Variants in NCKAP5 observed in about 807,000 individuals in gnomAD.
NCKAP5 encodes nck-associated protein 5.
NCKAP5 carries 92 observed loss-of-function variants against 167.0 expected under a neutral mutation model. The observed-to-expected ratio is 0.55, with a 90% CI of 0.47 to 0.66. The LOEUF (loss-of-function observed/expected upper bound fraction) is 0.66. Ranked by LOEUF, NCKAP5 falls within the 30% of genes least tolerant of loss-of-function variation. The pLI is 0.00. For synonymous variants in NCKAP5, 891 were observed against 877.4 expected (o/e 1.02, Z -0.27); for missense variants, 2,378 against 2,315.0 (o/e 1.03, Z -0.56).
chr2:133,653,613 T>C, the NCKAP5 span, among the ~76,000 whole-genome samples: 5 of 152,280 alleles, frequency 3.3e-5, no homozygotes, highest in South Asian at 6.2e-4. Context: ...ATTCAGATGG[T>C]TAAATAGAGG....
intron 6 of NCKAP5, among the ~76,000 whole-genome samples, chr2:133,092,112 A>C (rs2081204911): frequency 6.6e-6 from 1 of 152,170 alleles, no homozygotes; most frequent in Non-Finnish European, 1.5e-5. Context: ...CTCCTGTAAA[A>C]TTCATGTCTA....
chr2:133,174,436 G>A (rs1350587604), intron 5 of NCKAP5, among the ~76,000 whole-genome samples: 1 of 152,122 alleles, frequency 6.6e-6, no homozygotes, highest in Non-Finnish European at 1.5e-5. Flanking sequence ...GAGATACCTT[G>A]AGACTAGGCA....
At chr2:133,562,130 T>A (rs1688201624) in intron 1 of NCKAP5, among the ~76,000 whole-genome samples, 1 of 151,484 alleles carries the variant, frequency 6.6e-6, no homozygotes, top group Non-Finnish European at 1.5e-5. Context: ...TTAGGAATAT[T>A]ACATAAAAAC....
chr2:132,770,137 T>C (rs1396029225), intron 16 of NCKAP5, among the ~76,000 whole-genome samples: 4 of 152,254 alleles, frequency 2.6e-5, no homozygotes, highest in South Asian at 4.1e-4. Context: ...CAAACCAGTA[T>C]TGAGTGCCCC....
intron 3 of NCKAP5, among the ~76,000 whole-genome samples, chr2:133,383,072 T>A (rs932386502): frequency 1.5e-4 from 23 of 152,234 alleles, no homozygotes; most frequent in East Asian, 3.9e-4. Context: ...TTAAAAAAAA[T>A]TTTTTTATTA....
rs1449524959 is a variant in NCKAP5, at chr2:133,518,084, T to C, written c.-61-497A>G. 2.0e-5 allele frequency among the ~76,000 whole-genome samples: 3 copies of C among 152,140 alleles called. No homozygotes were observed. In the East Asian group the frequency reaches 5.8e-4, roughly 29 times the overall value. ...TAATTTAAAAATATTTGAGGAACATTGTAAGATACATTCCTTTGGGGATAG... is the reference window on the plus strand; with the variant it reads ...TAATTTAAAAATATTTGAGGAACATCGTAAGATACATTCCTTTGGGGATAG... On this transcript the variant is annotated intron_variant, in intron 2 of 19. Transcript: ENST00000409261.
At chr2:133,464,074 C>G (rs1692376078) in intron 3 of NCKAP5, among the ~76,000 whole-genome samples, 1 of 152,168 alleles carries the variant, frequency 6.6e-6, no homozygotes, top group Non-Finnish European at 1.5e-5. Flanking sequence ...CCCCAACTTT[C>G]CATCAACGGG....
intron 3 of NCKAP5, chr2:133,433,417 T>A (rs1159202401): frequency 6.6e-6 from 1 of 152,358 alleles, no homozygotes; most frequent in East Asian, 1.9e-4. Context: ...GTTTAGGTGA[T>A]ACTTCCACTG....
At chr2:132,900,824 G>A (rs904728235) in intron 8 of NCKAP5, among the ~76,000 whole-genome samples, 1 of 151,932 alleles carries the variant, frequency 6.6e-6, no homozygotes, top group African/African-American at 2.4e-5. Flanking sequence ...GCCAGGCATG[G>A]TGGCAGGCAC....
intron 6 of NCKAP5, among the ~76,000 whole-genome samples, chr2:133,126,804 T>A (rs1009904359): frequency 4.6e-5 from 7 of 152,208 alleles, no homozygotes; most frequent in Admixed American, 4.6e-4. Context: ...CTAAATTACA[T>A]GCTCATACTC....
At chr2:133,591,494 G>A in the NCKAP5 span, among the ~76,000 whole-genome samples, 1 of 152,208 alleles carries the variant, frequency 6.6e-6, no homozygotes, top group Admixed American at 6.5e-5. Flanking sequence ...CTGGGTCTAG[G>A]TATTTGTCAG....
chr2:133,190,084 T>C (rs2085142989), intron 5 of NCKAP5, among the ~76,000 whole-genome samples: 1 of 152,158 alleles, frequency 6.6e-6, no homozygotes. Context: ...AGTCTCAGGA[T>C]ACAAATTCAA....
chr2:133,525,269 T>C (rs1684778426), intron 2 of NCKAP5, among the ~76,000 whole-genome samples: 1 of 152,230 alleles, frequency 6.6e-6, no homozygotes, highest in Non-Finnish European at 1.5e-5. Context: ...AAATTCTGCA[T>C]GATGTTGAAA....
chr2:132,779,774 A>T (rs1163197111), intron 15 of NCKAP5, among the ~76,000 whole-genome samples: 1 of 152,192 alleles, frequency 6.6e-6, no homozygotes, highest in Non-Finnish European at 1.5e-5. Context: ...AACATCAATA[A>T]GTATTTATAG....
rs191915792 is a variant in NCKAP5, at chr2:133,399,362, G to A, written c.70-96252C>T. Among the ~76,000 whole-genome samples, 36 of 151,018 alleles carry A rather than the reference G, an allele frequency of 2.4e-4. No individual in the cohort carries two copies. The East Asian group carries it at 6.8e-3, about 29-fold the overall frequency. On this transcript the variant is annotated intron_variant, in intron 3 of 19. Transcript: ENST00000409261. ...CCAGGGTCTTCATTGCACAGATTAA[G>A]AATGACTCATTGACCCTAAGATTAA...
At chr2:132,715,589 T>C (rs1445923983) in intron 19 of NCKAP5, among the ~76,000 whole-genome samples, 2 of 152,214 alleles carry the variant, frequency 1.3e-5, no homozygotes, top group African/African-American at 4.8e-5. Flanking sequence ...AGGGCACATG[T>C]TCTCTAAGAG....
the NCKAP5 span, among the ~76,000 whole-genome samples, chr2:133,575,842 C>T: frequency 1.3e-5 from 2 of 152,198 alleles, no homozygotes; most frequent in Non-Finnish European, 2.9e-5. Context: ...GACTCCTGAG[C>T]TCTTTTGACC....
chr2:133,147,554 G>T (rs534460776), intron 5 of NCKAP5, among the ~76,000 whole-genome samples: 17 of 152,200 alleles, frequency 1.1e-4, no homozygotes, highest in African/African-American at 3.9e-4. Context: ...TAAATTAGAG[G>T]TTATGTGGAC....
intron 1 of NCKAP5, among the ~76,000 whole-genome samples, chr2:133,565,981 C>T (rs1688522442): frequency 6.6e-6 from 1 of 152,172 alleles, no homozygotes; most frequent in Admixed American, 6.5e-5. Flanking sequence ...CAAAGAGCTC[C>T]AGATCCCAGG....
Sources: allele counts gnomAD v4.1 joint callset (sites outside exome capture counted in the v4.1 genomes callset), GRCh38; gene constraint gnomAD v4.1.1; transcripts MANE v1.5; gene names NCBI Gene and HGNC (gene_info 2026-07-23, HGNC 2026-07-21).